The following ITGA8 variants were observed in gnomAD, a reference collection of about 807,000 sequenced individuals.
ITGA8 encodes integrin subunit alpha 8.
ITGA8 carries 91 observed loss-of-function variants against 142.3 expected under a neutral mutation model. That is an observed-to-expected ratio of 0.64 (90% confidence interval 0.54 to 0.76). ITGA8 has a LOEUF of 0.76. Ranked by LOEUF, ITGA8 falls within the 30% of genes least tolerant of loss-of-function variation. The pLI, the probability that ITGA8 is intolerant of heterozygous loss-of-function variation, is 0.00. For synonymous variants in ITGA8, 505 were observed against 485.2 expected (o/e 1.04, Z -0.54); for missense variants, 1,406 against 1,327.7 (o/e 1.06, Z -0.92).
At chr10:15,553,708 A>T (rs980392093) in intron 26 of ITGA8, among the ~76,000 whole-genome samples, 9 of 152,168 alleles carry the variant, frequency 5.9e-5, no homozygotes, top group African/African-American at 1.7e-4. Flanking sequence ...TATGACTAAA[A>T]AAAGTTATCC....
At position 15,576,178 on chromosome 10, in the gene ITGA8, A is replaced by C. The variant is rs184820919; in HGVS notation, c.2373-584T>G. ...CTATATTTCTTTGGCTTCCTGGGAA[A>C]GCCAGCCCCAGAGCCAGAACAAAAT... is the stretch of plus-strand genomic sequence containing the variant. On this transcript the variant is annotated intron_variant, in intron 23 of 29. Transcript: ENST00000378076. Among the ~76,000 whole-genome samples the C allele has an allele frequency of 1.4e-3, 207 of 152,274 alleles. 2 individuals are homozygous for C. The highest frequency in any genetic ancestry group is 1.0e-3 in the Admixed American group (16 of 15,276).
At chr10:15,696,653 TTTTATA>T (rs775447988) in intron 2 of ITGA8, among the ~76,000 whole-genome samples, 2 of 152,254 alleles carry the variant, frequency 1.3e-5, no homozygotes, top group Admixed American at 6.5e-5. Flanking sequence ...CATATCCTAA[TTTTATA>T]TGTATATTTC....
intron 6 of ITGA8, among the ~76,000 whole-genome samples, chr10:15,674,281 G>A (rs868390005): frequency 6.6e-6 from 1 of 152,144 alleles, no homozygotes; most frequent in Non-Finnish European, 1.5e-5. Context: ...TGTCTTTGCT[G>A]TTTCCTTTAG....
At position 15,659,035 on chromosome 10, in the gene ITGA8, C is replaced by T. The variant is rs145752759; in HGVS notation, c.912G>A (p.Thr304=). The T allele has an allele frequency of 5.9e-5, 94 of 1,606,098 alleles. No individual in the cohort carries two copies. Among genetic ancestry groups the T allele is most frequent in the Middle Eastern group, 1.6e-4 (1 of 6,074 alleles). Residue 304 remains threonine (T), a synonymous_variant, in exon 10 of 30, where the codon ACG becomes ACA. Coordinates refer to ENST00000378076, the MANE Select transcript of ITGA8 (RefSeq NM_003638.3). ...NFGYVSIINS[T]DMTFIQNFTG... ...TGAAATTCTGAATAAACGTCATATC[C>T]GTAGAGTTAATGATGGAAACCTGAA...
At chr10:15,669,165 G>A (rs1834458757) in intron 8 of ITGA8, among the ~76,000 whole-genome samples, 1 of 152,180 alleles carries the variant, frequency 6.6e-6, no homozygotes, top group Admixed American at 6.5e-5. Flanking sequence ...CCAATCAGAT[G>A]TAGATTTGGT....
At chr10:15,680,052 T>C (rs1259484194) in intron 4 of ITGA8, among the ~76,000 whole-genome samples, 1 of 152,124 alleles carries the variant, frequency 6.6e-6, no homozygotes, top group Non-Finnish European at 1.5e-5. Context: ...GAAATACATG[T>C]CATCACAGGA....
At chr10:15,653,169 A>G (rs1187779057) in intron 11 of ITGA8, among the ~76,000 whole-genome samples, 2 of 151,866 alleles carry the variant, frequency 1.3e-5, no homozygotes, top group African/African-American at 4.8e-5. Context: ...TCCACAGGGA[A>G]CACTCCTTCC....
chr10:15,666,393 G>A (rs1834392408), intron 8 of ITGA8, among the ~76,000 whole-genome samples: 1 of 152,164 alleles, frequency 6.6e-6, no homozygotes, highest in Non-Finnish European at 1.5e-5. Context: ...TGCTGAAGTT[G>A]CTTATCAGCT....
chr10:15,564,482 C>T (rs1455781802), intron 25 of ITGA8, among the ~76,000 whole-genome samples: 1 of 152,200 alleles, frequency 6.6e-6, no homozygotes, highest in East Asian at 1.9e-4. Context: ...ACTAAAGTGT[C>T]TTCTGTAGAA....
At chr10:15,612,282 G>A (rs2131615285) in intron 15 of ITGA8, among the ~76,000 whole-genome samples, 1 of 152,134 alleles carries the variant, frequency 6.6e-6, no homozygotes, top group Non-Finnish European at 1.5e-5. Context: ...ACCCTCAAAA[G>A]CTTTGACTCC....
intron 27 of ITGA8, among the ~76,000 whole-genome samples, chr10:15,538,603 G>A (rs1249722056): frequency 6.6e-6 from 1 of 151,324 alleles, no homozygotes; most frequent in African/African-American, 2.4e-5. Context: ...ATTTGAAAAG[G>A]CCAGTGAACA....
chr10:15,584,419 G>T (rs971536809), intron 23 of ITGA8, among the ~76,000 whole-genome samples: 1 of 152,126 alleles, frequency 6.6e-6, no homozygotes, highest in African/African-American at 2.4e-5. Context: ...AGGAATCAGG[G>T]GACCGCAAGT....
At chr10:15,645,009 T>C (rs1266952072) in intron 12 of ITGA8, among the ~76,000 whole-genome samples, 1 of 149,448 alleles carries the variant, frequency 6.7e-6, no homozygotes, top group African/African-American at 2.5e-5. Context: ...AGAGAATTGC[T>C]TGAACCTGGG....
intron 3 of ITGA8, among the ~76,000 whole-genome samples, chr10:15,686,301 C>T (rs1425902818): frequency 6.6e-6 from 1 of 152,210 alleles, no homozygotes; most frequent in East Asian, 1.9e-4. Context: ...TGGCCAATAC[C>T]CCAAAACTCT....
intron 2 of ITGA8, among the ~76,000 whole-genome samples, chr10:15,702,655 G>A (rs1835187314): frequency 6.6e-6 from 1 of 152,078 alleles, no homozygotes; most frequent in South Asian, 2.1e-4. Context: ...TTCCATTTGG[G>A]TTAACTTTCT....
At chr10:15,715,729 G>A (rs371786707) in intron 2 of ITGA8, among the ~76,000 whole-genome samples, 2 of 152,228 alleles carry the variant, frequency 1.3e-5, no homozygotes, top group Non-Finnish European at 2.9e-5. Context: ...TTCATCTTTC[G>A]TTTTAACATT....
At chr10:15,545,097 G>T (rs1331836218) in intron 27 of ITGA8, among the ~76,000 whole-genome samples, 1 of 152,144 alleles carries the variant, frequency 6.6e-6, no homozygotes, top group Non-Finnish European at 1.5e-5. Flanking sequence ...GAATGTCTAC[G>T]GTTTTAAGCT....
intron 2 of ITGA8, among the ~76,000 whole-genome samples, chr10:15,702,088 A>G (rs1002510245): frequency 2.6e-5 from 4 of 152,104 alleles, no homozygotes; most frequent in African/African-American, 9.7e-5. Flanking sequence ...ATACTCCAAA[A>G]CCACTCTGAA....
intron 28 of ITGA8, among the ~76,000 whole-genome samples, chr10:15,526,600 T>G (rs1387587806): frequency 6.6e-6 from 1 of 152,160 alleles, no homozygotes; most frequent in African/African-American, 2.4e-5. Context: ...AAGAAAGAAG[T>G]TTCATGTTGA....
Sources: allele counts gnomAD v4.1 joint callset (sites outside exome capture counted in the v4.1 genomes callset), GRCh38; gene constraint gnomAD v4.1.1; transcripts MANE v1.5; gene names NCBI Gene and HGNC (gene_info 2026-07-23, HGNC 2026-07-21).